Variants in AJAP1 observed in about 807,000 individuals in gnomAD.
AJAP1 encodes the protein adherens junction-associated protein 1.
In AJAP1, 5 loss-of-function variants were observed where a neutral mutation model predicts 35.0. The ratio of observed to expected loss-of-function variants is 0.14; its 90% CI spans 0.07 to 0.30. The LOEUF (loss-of-function observed/expected upper bound fraction) is 0.30. AJAP1 is among the 10% of genes least tolerant of loss of function. The probability of loss-of-function intolerance (pLI) is 1.00; values close to 1 mark genes in which losing one functional copy is unlikely to be tolerated. For missense variants in AJAP1, 586 were observed against 571.0 expected, an observed-to-expected ratio of 1.03 and a Z score of -0.27; for synonymous variants, 284 against 249.3, an observed-to-expected ratio of 1.14 and a Z score of -1.31.
rs148857058 is a variant in AJAP1 at position 4,712,238 on chromosome 1, C to T, written c.368C>T (p.Ala123Val). ...GCAGGACTGGCCAAGCCCCCAGCTG[C>T]TGCCAAATCCAGCCCTTCCCTCGCC... ...PKAGLAKPPA[A>V]AKSSPSLASS... Residue 123 changes from alanine (A) to valine (V), a missense_variant, in exon 2 of 6, where the codon GCT becomes GTT. Physicochemically the swap from Ala to Val is moderately conservative, Grantham distance 64. Transcript: ENST00000378191. 42 of 1,533,252 alleles carry T rather than the reference C, an allele frequency of 2.7e-5. No homozygotes were observed. The highest frequency in any genetic ancestry group is 3.4e-5 in the Non-Finnish European group (39 of 1,147,830). The allele number at this position is 1,533,252 out of a possible 1,614,324, so 95.0% of individuals were successfully genotyped here. A position where few individuals can be genotyped will look rare whatever the true frequency, so the allele number is the denominator to read the frequency against.
intron 2 of AJAP1, among the ~76,000 whole-genome samples, chr1:4,748,526 T>A (rs1290109129): frequency 2.0e-5 from 3 of 152,128 alleles, no homozygotes; most frequent in East Asian, 1.9e-4. Context: ...GGTGGACAGA[T>A]CACCTGAGGT....
At chr1:4,755,575 AC>A (rs1641411777) in intron 2 of AJAP1, among the ~76,000 whole-genome samples, 2 of 152,002 alleles carry the variant, frequency 1.3e-5, no homozygotes, top group Admixed American at 6.6e-5. Context: ...TCAGTCTAGT[AC>A]CGGGGGTTTG....
rs1024170 is a variant in AJAP1 at position 4,782,453 on chromosome 1, G to A, written c.*60-92G>A. The stretch of plus-strand genomic sequence containing the variant: ...CGGGCTCTGCATGCGGGGGTGCTGC[G>A]TGTGGGGGTCCCAGTCGACCGAGAA... On this transcript the variant is annotated intron_variant, in intron 5 of 5. Transcript: ENST00000378191. The surrounding 1 kb of genome is among the most constrained non-coding windows in gnomAD (Gnocchi z 5.3). The A allele has an allele frequency of 2.5e-5, 7 of 279,234 alleles. No individual in the cohort carries two copies. Among genetic ancestry groups the A allele is most frequent in the Admixed American group, 5.3e-5 (1 of 18,966 alleles). The allele number at this position is 279,234 out of a possible 1,614,324, so 17.3% of individuals were successfully genotyped here. A position where few individuals can be genotyped will look rare whatever the true frequency, so the allele number is the denominator to read the frequency against.
At chr1:4,689,114 G>T (rs1307642385) in intron 1 of AJAP1, among the ~76,000 whole-genome samples, 2 of 152,114 alleles carry the variant, frequency 1.3e-5, no homozygotes, top group Non-Finnish European at 2.9e-5. Context: ...TCGGTCTTCA[G>T]TTCCTGAGGT....
At chr1:4,704,768 C>G (rs1267404672) in intron 1 of AJAP1, among the ~76,000 whole-genome samples, 10 of 152,196 alleles carry the variant, frequency 6.6e-5, no homozygotes, top group Non-Finnish European at 1.0e-4. Context: ...TTTACAGTCC[C>G]ACCAACAGTG....
chr1:4,739,142 C>T (rs1557633818), intron 2 of AJAP1, among the ~76,000 whole-genome samples: 1 of 152,212 alleles, frequency 6.6e-6, no homozygotes, highest in Non-Finnish European at 1.5e-5. Context: ...ATGTCCCACT[C>T]AAACACATGT....
intron 2 of AJAP1, among the ~76,000 whole-genome samples, chr1:4,739,414 G>A (rs933927100): frequency 6.6e-6 from 1 of 152,222 alleles, no homozygotes; most frequent in Non-Finnish European, 1.5e-5. Context: ...TGTTGGCAAT[G>A]CATTTGGAAT....
chr1:4,658,089 T>G (rs926995262), intron 1 of AJAP1, among the ~76,000 whole-genome samples: 1 of 152,144 alleles, frequency 6.6e-6, no homozygotes, highest in South Asian at 2.1e-4. Flanking sequence ...TGGAATTGGC[T>G]TCCTGGTTGT....
chr1:4,769,742 G>C, intron 2 of AJAP1, 111 bp from the exon 3 acceptor site: 1 of 899,232 alleles, frequency 1.1e-6, no homozygotes, highest in South Asian at 1.3e-5. Flanking sequence ...CTGCGGATGG[G>C]ACCTGGCATC....
chr1:4,764,440 C>G (rs1557645182), intron 2 of AJAP1, among the ~76,000 whole-genome samples: 1 of 152,226 alleles, frequency 6.6e-6, no homozygotes, highest in Non-Finnish European at 1.5e-5. Flanking sequence ...TGCCTCTGAT[C>G]TGTCCACCAC....
intron 1 of AJAP1, among the ~76,000 whole-genome samples, chr1:4,688,784 A>G (rs1466102123): frequency 6.6e-6 from 1 of 151,790 alleles, no homozygotes; most frequent in Non-Finnish European, 1.5e-5. Flanking sequence ...AAAAAAAAAA[A>G]AAAAAAAAAG....
intron 2 of AJAP1, among the ~76,000 whole-genome samples, chr1:4,749,927 T>A (rs2100330754): frequency 6.6e-6 from 1 of 152,290 alleles, no homozygotes; most frequent in Non-Finnish European, 1.5e-5. Flanking sequence ...TATATGCTAG[T>A]GTTTTTGTGT....
At chr1:4,668,137 C>T (rs1162522900) in intron 1 of AJAP1, among the ~76,000 whole-genome samples, 1 of 151,988 alleles carries the variant, frequency 6.6e-6, no homozygotes, top group Non-Finnish European at 1.5e-5. Flanking sequence ...TTGCTTGAAC[C>T]TGCGAGGCAG....
At position 4,686,500 on chromosome 1, in the gene AJAP1, A is replaced by G. The variant is rs553222472; in HGVS notation, c.30-25400A>G. Among the ~76,000 whole-genome samples, 28 of 152,334 alleles carry G rather than the reference A, an allele frequency of 1.8e-4. No individual in the cohort carries two copies. The East Asian group carries it at 4.6e-3, about 25-fold the overall frequency. On this transcript the variant is annotated intron_variant, in intron 1 of 5. Coordinates refer to ENST00000378191, the MANE Select transcript of AJAP1 (RefSeq NM_018836.4). ...CATCTCCAAAAGGAACACCCCATAC[A>G]TAGTTATTCGGCTTCAATAAGTAAA... is the stretch of plus-strand genomic sequence containing the variant.
At chr1:4,704,067 C>T (rs1640047129) in intron 1 of AJAP1, among the ~76,000 whole-genome samples, 1 of 152,088 alleles carries the variant, frequency 6.6e-6, no homozygotes, top group African/African-American at 2.4e-5. Flanking sequence ...AAATAGTGCC[C>T]TGTTCCCCAT....
At chr1:4,697,610 T>C (rs1465236859) in intron 1 of AJAP1, among the ~76,000 whole-genome samples, 2 of 152,224 alleles carry the variant, frequency 1.3e-5, no homozygotes, top group African/African-American at 4.8e-5. Flanking sequence ...CACAGGCTGG[T>C]GCCAGGTCCA....
intron 2 of AJAP1, among the ~76,000 whole-genome samples, chr1:4,722,855 C>T (rs1640553561): frequency 6.6e-6 from 1 of 152,100 alleles, no homozygotes; most frequent in African/African-American, 2.4e-5. Context: ...CAGGTCATGG[C>T]GAGTTGGGTT....
chr1:4,758,999 G>A (rs910283887), intron 2 of AJAP1, among the ~76,000 whole-genome samples: 1 of 152,198 alleles, frequency 6.6e-6, no homozygotes, highest in African/African-American at 2.4e-5. Flanking sequence ...CAGAGCTCAG[G>A]TCGGGATGCA....
At chr1:4,753,730 G>A (rs546234124) in intron 2 of AJAP1, among the ~76,000 whole-genome samples, 5 of 152,060 alleles carry the variant, frequency 3.3e-5, no homozygotes, top group South Asian at 2.1e-4. Flanking sequence ...GCACCACCAC[G>A]CCCAGCTAAT....
Sources: allele counts gnomAD v4.1 joint callset (sites outside exome capture counted in the v4.1 genomes callset), GRCh38; gene constraint gnomAD v4.1.1; non-coding constraint Gnocchi (gnomAD v3.1); transcripts MANE v1.5; gene names NCBI Gene and HGNC (gene_info 2026-07-23, HGNC 2026-07-21).